RPAP2: variants seen among roughly 807,000 people sequenced by gnomAD.
RPAP2 encodes putative RNA polymerase II subunit B1 CTD phosphatase RPAP2.
A neutral mutation model predicts 73.1 loss-of-function variants in RPAP2; 52 were observed. The ratio of observed to expected loss-of-function variants is 0.71; its 90% CI spans 0.57 to 0.90. RPAP2 has a LOEUF of 0.90. Among genes scored for constraint, RPAP2 ranks in the 40% least tolerant of loss-of-function variants. The pLI is 0.00. For synonymous variants in RPAP2, 225 were observed against 242.1 expected (o/e 0.93, Z 0.65); for missense variants, 598 against 701.8 (o/e 0.85, Z 1.67).
intron 6 of RPAP2, among the ~76,000 whole-genome samples, chr1:92,317,377 G>A (rs928255290): frequency 9.9e-5 from 15 of 151,818 alleles, no homozygotes; most frequent in South Asian, 2.1e-4. Context: ...GCGTAGTGGC[G>A]GGTGCCTGTA....
intron 10 of RPAP2, among the ~76,000 whole-genome samples, chr1:92,339,963 C>T (rs1653510965): frequency 6.6e-6 from 1 of 152,034 alleles, no homozygotes; most frequent in Non-Finnish European, 1.5e-5. Context: ...TGGGGTTGTA[C>T]AGAAGAAACA....
In RPAP2 at chr1:92,323,679, T is replaced by C; in HGVS notation, c.759T>C (p.Gly253=). 1 of 1,613,728 alleles carries C rather than the reference T, an allele frequency of 6.2e-7. No homozygotes were observed. ...AAAGCATAATGAAAAAGAAAGCTGG[T>C]CACAAAGCTAACTCCAAACACAAAG... The part of the protein sequence containing the change: ...HQKSIMKKKA[G]HKANSKHKDK... The change falls in exon 8 of 13, where the codon GGT becomes GGC. Residue 253 remains glycine (G), a synonymous_variant. Transcript: ENST00000610020.
In RPAP2 at chr1:92,401,055, G is replaced by C. The variant is rs1363175361; in HGVS notation, c.*14044G>C. The C allele has an allele frequency of 1.3e-5, 2 of 152,138 alleles. No individual in the cohort carries two copies. The highest frequency in any genetic ancestry group is 2.9e-5 in the Non-Finnish European group (2 of 68,042). The allele number at this position is 152,138 out of a possible 1,614,324, so 9.4% of individuals were successfully genotyped here. On this transcript the variant is annotated 3_prime_UTR_variant, in exon 13 of 13. Transcript: ENST00000610020. ...CCTCTATAAAGCCATCAGATCTCAT[G>C]AGAACTCACTATCATGAGAACAGCA... is the stretch of plus-strand genomic sequence containing the variant.
chr1:92,357,976 C>T (rs189134691), intron 11 of RPAP2, among the ~76,000 whole-genome samples: 24 of 152,266 alleles, frequency 1.6e-4, no homozygotes, highest in Non-Finnish European at 2.2e-4. Flanking sequence ...GCCTAGGCTG[C>T]GGTGCAGTGG....
At chr1:92,359,637 C>T (rs1347266182) in intron 11 of RPAP2, among the ~76,000 whole-genome samples, 1 of 152,194 alleles carries the variant, frequency 6.6e-6, no homozygotes, top group Admixed American at 6.5e-5. Context: ...TGGTTTTATA[C>T]CTGTTTTGCA....
intron 11 of RPAP2, among the ~76,000 whole-genome samples, chr1:92,353,687 C>T (rs1654325879): frequency 6.6e-6 from 1 of 152,064 alleles, no homozygotes; most frequent in South Asian, 2.1e-4. Flanking sequence ...ATCCTATCAC[C>T]TTTGTCATTG....
At chr1:92,315,584 T>A (rs1431643322) in intron 6 of RPAP2, among the ~76,000 whole-genome samples, 1 of 152,244 alleles carries the variant, frequency 6.6e-6, no homozygotes, top group Non-Finnish European at 1.5e-5. Flanking sequence ...CCAGATTTTA[T>A]AATACCAAAA....
Position 92,387,046 on chromosome 1 carries a change from C to T in RPAP2, c.*35C>T. 6.3e-7 allele frequency: 1 copy of T among 1,575,316 alleles called. No individual in the cohort carries two copies. The highest frequency in any genetic ancestry group is 8.7e-7 in the Non-Finnish European group (1 of 1,153,602). Reference sequence around the variant, plus strand: ...TGAAGACAAAATAGAAGATGAACTTCTATTCACCGTTTCTGGAATTCTAGC... The same window carrying T: ...TGAAGACAAAATAGAAGATGAACTTTTATTCACCGTTTCTGGAATTCTAGC... On this transcript the variant is annotated 3_prime_UTR_variant, in exon 13 of 13. Coordinates refer to ENST00000610020, the MANE Select transcript of RPAP2 (RefSeq NM_024813.3).
chr1:92,385,095 GC>G (rs1655810735), intron 12 of RPAP2, among the ~76,000 whole-genome samples: 1 of 150,610 alleles, frequency 6.6e-6, no homozygotes, highest in Non-Finnish European at 1.5e-5. Context: ...GATTTCTTGA[GC>G]CCAGGAGGTC....
chr1:92,393,930 G>A lies in RPAP2; in HGVS notation c.*6919G>A, dbSNP rs769624047. 6.6e-6 allele frequency: 1 copy of A among 152,114 alleles called. No homozygotes were observed. Among genetic ancestry groups the A allele is most frequent in the Non-Finnish European group, 1.5e-5 (1 of 68,030 alleles). The allele number at this position is 152,114 out of a possible 1,614,324, so 9.4% of individuals were successfully genotyped here. A position where few individuals can be genotyped will look rare whatever the true frequency, so the allele number is the denominator to read the frequency against. Reference sequence around the variant, plus strand: ...GAAGTCAGTGTGACGACTCCTCAAGGATCTAGAACTGGAAATACCATTTGA... The same window carrying A: ...GAAGTCAGTGTGACGACTCCTCAAGAATCTAGAACTGGAAATACCATTTGA... On this transcript the variant is annotated 3_prime_UTR_variant, in exon 13 of 13. Coordinates refer to ENST00000610020, the MANE Select transcript of RPAP2 (RefSeq NM_024813.3).
rs920547687 is a variant in RPAP2, at chr1:92,320,509, G to C, written c.489-90G>C. 8.1e-6 allele frequency: 8 copies of C among 981,946 alleles called. No individual in the cohort carries two copies. In the Admixed American group the frequency reaches 1.5e-4, roughly 19 times the overall value. The allele number at this position is 981,946 out of a possible 1,614,324, so 60.8% of individuals were successfully genotyped here. The stretch of plus-strand genomic sequence containing the variant: ...GATGGTCTCAATCTCCTGACCTCGA[G>C]ATCCGCCTGCCCAGCCTCCGAAAGT... On this transcript the variant is annotated intron_variant, in intron 6 of 12. Transcript: ENST00000610020.
At chr1:92,301,250 GA>G (rs1172667307) in intron 2 of RPAP2, among the ~76,000 whole-genome samples, 1 of 152,218 alleles carries the variant, frequency 6.6e-6, no homozygotes, top group Non-Finnish European at 1.5e-5. Context: ...TTGGGAGGCT[GA>G]GGTGGGAGTG....
At chr1:92,358,407 C>T (rs977071407) in intron 11 of RPAP2, among the ~76,000 whole-genome samples, 1 of 151,952 alleles carries the variant, frequency 6.6e-6, no homozygotes, top group South Asian at 2.1e-4. Flanking sequence ...GTTTCCTCCT[C>T]ACGAAACTTT....
At chr1:92,381,577 A>C (rs1252319126) in intron 12 of RPAP2, among the ~76,000 whole-genome samples, 3 of 127,258 alleles carry the variant, frequency 2.4e-5, no homozygotes, top group Non-Finnish European at 4.8e-5. Context: ...AGATTCTCTC[A>C]GGGAGATTTT....
chr1:92,384,872 G>T (rs556620606), intron 12 of RPAP2, among the ~76,000 whole-genome samples: 1 of 152,198 alleles, frequency 6.6e-6, no homozygotes, highest in East Asian at 1.9e-4. Context: ...TGTCTTGGCT[G>T]GGTGCAGTAG....
intron 8 of RPAP2, among the ~76,000 whole-genome samples, chr1:92,327,310 G>A (rs1253743820): frequency 2.0e-5 from 3 of 152,030 alleles, no homozygotes; most frequent in East Asian, 1.9e-4. Context: ...CCTAGGTCTC[G>A]TAGTAACTGT....
rs1372715420 is a variant in RPAP2, at chr1:92,392,927, T to G, written c.*5916T>G. The G allele has an allele frequency of 6.6e-6, 1 of 152,180 alleles. No homozygotes were observed. The highest frequency in any genetic ancestry group is 1.5e-5 in the Non-Finnish European group (1 of 68,028). 9.4% of individuals were successfully genotyped at this position (152,180 alleles called of 1,614,324 possible). On this transcript the variant is annotated 3_prime_UTR_variant, in exon 13 of 13. Coordinates refer to ENST00000610020, the MANE Select transcript of RPAP2 (RefSeq NM_024813.3). The stretch of plus-strand genomic sequence containing the variant: ...TGCCCAAACTGATTTATAGATTCAA[T>G]GCTATCCCCATCAAGCTACCACTAA...
chr1:92,365,192 C>A, intron 11 of RPAP2, among the ~76,000 whole-genome samples: 1 of 151,598 alleles, frequency 6.6e-6, no homozygotes, highest in Non-Finnish European at 1.5e-5. Context: ...TTAAGTAAGA[C>A]CTCTCATTGG....
At chr1:92,343,404 A>C (rs1653706301) in intron 10 of RPAP2, among the ~76,000 whole-genome samples, 1 of 152,220 alleles carries the variant, frequency 6.6e-6, no homozygotes, top group Non-Finnish European at 1.5e-5. Context: ...AAAATAAAAC[A>C]CTACTGAGGA....
Sources: gnomAD v4.1 joint callset for allele counts (sites outside exome capture counted in the v4.1 genomes callset) on GRCh38, gnomAD v4.1.1 for gene constraint, MANE v1.5 for transcripts, NCBI Gene and HGNC (gene_info 2026-07-23, HGNC 2026-07-21) for gene names.